The following KIAA0586 variants were observed in gnomAD, a reference collection of about 807,000 sequenced individuals.
KIAA0586 encodes KIAA0586.
A neutral mutation model predicts 169.8 loss-of-function variants in KIAA0586; 144 were observed. The ratio of observed to expected loss-of-function variants is 0.85; its 90% CI spans 0.74 to 0.97. KIAA0586 has a LOEUF of 0.97. KIAA0586 is among the 50% of genes least tolerant of loss of function. The pLI is 0.00. For synonymous variants in KIAA0586, 625 were observed against 612.4 expected (o/e 1.02, Z -0.30); for missense variants, 1,854 against 1,823.0 (o/e 1.02, Z -0.31).
chr14:58,446,051 G>A (rs2038872260), intron 6 of KIAA0586, among the ~76,000 whole-genome samples: 1 of 150,864 alleles, frequency 6.6e-6, no homozygotes, highest in African/African-American at 2.4e-5. Context: ...TATATTTTTA[G>A]TAGAGATGGG....
At chr14:58,430,752 C>A in intron 3 of KIAA0586, 35 bp downstream of exon 3, 2 of 1,173,392 alleles carry the variant, frequency 1.7e-6, no homozygotes, top group Non-Finnish European at 2.5e-6. Context: ...TAAATTGTGA[C>A]AACATATACA....
At chr14:58,439,732 T>A in intron 4 of KIAA0586, 1 of 564,228 alleles carries the variant, frequency 1.8e-6, no homozygotes, top group Non-Finnish European at 2.2e-6. Flanking sequence ...ATTTTGAGAC[T>A]GAGAGAAAAA....
chr14:58,538,483 C>A (rs180915423), intron 29 of KIAA0586, among the ~76,000 whole-genome samples: 40 of 151,670 alleles, frequency 2.6e-4, no homozygotes, highest in Non-Finnish European at 4.6e-4. Flanking sequence ...TATGTATTTA[C>A]GGGTTACATG....
At chr14:58,504,933 C>T (rs2043829494) in intron 27 of KIAA0586, among the ~76,000 whole-genome samples, 1 of 152,150 alleles carries the variant, frequency 6.6e-6, no homozygotes, top group African/African-American at 2.4e-5. Flanking sequence ...TGTGTACTCT[C>T]ATATCCCTGT....
upstream of KIAA0586, chr14:58,427,467 A>G (rs962942448): frequency 1.1e-5 from 9 of 845,756 alleles, 1 homozygote; most frequent in Non-Finnish European, 1.6e-5. Context: ...TAGTATTACA[A>G]GTCGGGAGCT....
rs1278631796 is a variant in KIAA0586, at chr14:58,548,640, G to A, written c.*708G>A. The A allele has an allele frequency of 7.2e-5, 11 of 152,092 alleles. No homozygotes were observed. Among genetic ancestry groups the A allele is most frequent in the Admixed American group, 7.2e-4 (11 of 15,266 alleles). 9.4% of individuals were successfully genotyped at this position (152,092 alleles called of 1,614,324 possible). ...GAGAGGCTAAGTGATAGGAATCAAG[G>A]ATAATCGTGGTTACTATGTATTTGA... On this transcript the variant is annotated 3_prime_UTR_variant, in exon 31 of 31. Transcript: ENST00000652326.
chr14:58,539,911 T>G (rs1048267875), intron 29 of KIAA0586, 160 bp from the exon 30 acceptor site: 2 of 521,650 alleles, frequency 3.8e-6, no homozygotes, highest in Non-Finnish European at 3.4e-6. Flanking sequence ...TTAACTTCCT[T>G]CTTTACATTC....
chr14:58,466,386 A>C lies in KIAA0586; in HGVS notation c.2254+357A>C, dbSNP rs111455390. On this transcript the variant is annotated intron_variant, in intron 15 of 30. Coordinates refer to ENST00000652326, the MANE Select transcript of KIAA0586 (RefSeq NM_001329943.3). ...AATGATGGGTTCCTGCTGTAGTTTC[A>C]CCAATAGGAAAAATTCTTTTGGTAT... Among the ~76,000 whole-genome samples, 130 of 152,218 alleles carry C rather than the reference A, an allele frequency of 8.5e-4. No homozygotes were observed. The Middle Eastern group carries it at 0.041, about 48-fold the overall frequency.
At chr14:58,478,212 G>C (rs1170325390) in intron 20 of KIAA0586, among the ~76,000 whole-genome samples, 2 of 152,214 alleles carry the variant, frequency 1.3e-5, no homozygotes, top group African/African-American at 4.8e-5. Flanking sequence ...CAGGCACACA[G>C]TGGCTCACGC....
At chr14:58,444,236 G>A in intron 6 of KIAA0586, 61 bp downstream of exon 6, 1 of 1,063,800 alleles carries the variant, frequency 9.4e-7, no homozygotes, top group Non-Finnish European at 1.4e-6. Flanking sequence ...CTCTCAGCCA[G>A]TATTCATTGA....
At chr14:58,511,062 G>T (rs1195827281) in intron 28 of KIAA0586, among the ~76,000 whole-genome samples, 1 of 152,072 alleles carries the variant, frequency 6.6e-6, no homozygotes, top group East Asian at 1.9e-4. Flanking sequence ...TGTGGTGATG[G>T]TTTCATGGGT....
intron 20 of KIAA0586, among the ~76,000 whole-genome samples, chr14:58,477,995 CAG>C (rs2041774128): frequency 6.6e-6 from 1 of 151,950 alleles, no homozygotes; most frequent in Non-Finnish European, 1.5e-5. Flanking sequence ...TCTAAGTGTA[CAG>C]TTTGACAAGT....
At chr14:58,514,106 T>C (rs1001523765) in intron 29 of KIAA0586, among the ~76,000 whole-genome samples, 13 of 152,130 alleles carry the variant, frequency 8.5e-5, no homozygotes, top group Middle Eastern at 3.2e-3. Context: ...TTTCACTCTA[T>C]AATTGGTACA....
chr14:58,495,582 G>T (rs2043113021), intron 26 of KIAA0586, among the ~76,000 whole-genome samples: 1 of 152,086 alleles, frequency 6.6e-6, no homozygotes, highest in South Asian at 2.1e-4. Flanking sequence ...ATAGGCATGA[G>T]CCACCATTTC....
In KIAA0586 at chr14:58,458,552, CT is replaced by C; in HGVS notation, c.1656+9del. On this transcript the variant is annotated splice_region_variant and intron_variant, in intron 12 of 30. Coordinates refer to ENST00000652326, the MANE Select transcript of KIAA0586 (RefSeq NM_001329943.3). ...TATTTCTGCAGAAATTCAGGTATGTCTTGGAAAAAAACTGAAAATTAAGTGA... is the reference window on the plus strand; with the variant it reads ...TATTTCTGCAGAAATTCAGGTATGTCTGGAAAAAAACTGAAAATTAAGTGA... The C allele has an allele frequency of 6.7e-7, 1 of 1,496,908 alleles. No individual in the cohort carries two copies. The highest frequency in any genetic ancestry group is 2.5e-5 in the East Asian group (1 of 39,426). The allele number at this position is 1,496,908 out of a possible 1,614,324, so 92.7% of individuals were successfully genotyped here.
Position 58,427,814 on chromosome 14 carries a change from G to T in KIAA0586, c.-451G>T. 4 of 1,492,152 alleles carry T rather than the reference G, an allele frequency of 2.7e-6. No homozygotes were observed. Among genetic ancestry groups the T allele is most frequent in the Non-Finnish European group, 3.6e-6 (4 of 1,125,154 alleles). 92.4% of individuals were successfully genotyped at this position (1,492,152 alleles called of 1,614,324 possible). On this transcript the variant is annotated 5_prime_UTR_variant, in exon 1 of 31. Coordinates refer to ENST00000652326, the MANE Select transcript of KIAA0586 (RefSeq NM_001329943.3). Reference sequence around the variant, plus strand: ...GTTTCCGACGATTGCATCTGGAGGGGTGTGTAAGACTCTGTGGCTGAAGAA... The same window carrying T: ...GTTTCCGACGATTGCATCTGGAGGGTTGTGTAAGACTCTGTGGCTGAAGAA...
At chr14:58,533,268 C>T (rs1486313925) in intron 29 of KIAA0586, among the ~76,000 whole-genome samples, 1 of 152,186 alleles carries the variant, frequency 6.6e-6, no homozygotes, top group African/African-American at 2.4e-5. Flanking sequence ...CCTGAAATAG[C>T]TTAGCTTATG....
intron 13 of KIAA0586, 123 bp downstream of exon 13, chr14:58,460,193 A>G (rs2040211055): frequency 6.4e-6 from 4 of 621,660 alleles, no homozygotes; most frequent in Non-Finnish European, 1.1e-5. Context: ...TACAAATGTA[A>G]GCTATCTTTA....
At chr14:58,478,519 A>T (rs1326504427) in intron 20 of KIAA0586, among the ~76,000 whole-genome samples, 1 of 152,030 alleles carries the variant, frequency 6.6e-6, no homozygotes, top group Non-Finnish European at 1.5e-5. Context: ...TTTGGTAGAG[A>T]TGGGGTCTTG....
Sources: allele counts gnomAD v4.1 joint callset (sites outside exome capture counted in the v4.1 genomes callset), GRCh38; gene constraint gnomAD v4.1.1; transcripts MANE v1.5; gene names NCBI Gene and HGNC (gene_info 2026-07-23, HGNC 2026-07-21).